IFT172: variants seen among roughly 807,000 people sequenced by gnomAD.
The protein encoded by IFT172 is intraflagellar transport 172.
Under a neutral mutation model 248.9 loss-of-function variants are expected in IFT172, and 164 were observed. The ratio of observed to expected loss-of-function variants is 0.66; its 90% confidence interval spans 0.58 to 0.75. IFT172 has a LOEUF of 0.75. Ranked by LOEUF, IFT172 falls within the 30% of genes least tolerant of loss-of-function variation. IFT172 has a pLI of 0.00. For synonymous variants in IFT172, 729 were observed against 791.6 expected (o/e 0.92, Z 1.33); for missense variants, 1,950 against 2,192.4 (o/e 0.89, Z 2.21).
At chr2:27,444,928 T>TA in intron 47 of IFT172, 86 bp downstream of exon 47, 1 of 1,427,466 alleles carries the variant, frequency 7.0e-7, no homozygotes, top group African/African-American at 1.4e-5. Flanking sequence ...GGATTAAAGG[T>TA]ATGAGCCACT....
At chr2:27,451,425 T>C (rs1036541021) in intron 35 of IFT172, among the ~76,000 whole-genome samples, 3 of 152,152 alleles carry the variant, frequency 2.0e-5, no homozygotes, top group African/African-American at 7.2e-5. Context: ...TCAGCCCCTC[T>C]CTTTCTACTT....
At position 27,472,342 on chromosome 2, in the gene IFT172, T is replaced by C. The variant is rs374979653; in HGVS notation, c.1432A>G (p.Asn478Asp). 176 of 1,613,914 alleles carry C rather than the reference T, an allele frequency of 1.1e-4. No homozygotes were observed. The highest frequency in any genetic ancestry group is 1.3e-4 in the Non-Finnish European group (159 of 1,179,920). ...IAIVDLIGGY[N>D]IGTVSHESRV... ...CTCTCATGGCTGACGGTGCCAATGT[T>C]GTAGCCACCAATCAGATCCACTATA... The change falls in exon 15 of 48, where the codon AAC becomes GAC. Residue 478 changes from asparagine (N) to aspartate (D), a missense_variant. By Grantham distance (23) the Asn-to-Asp change is conservative. This residue lies in a region of IFT172 where 1,166 missense variants were observed against 1,254.1 expected (regional missense o/e 0.93). Coordinates refer to ENST00000260570, the MANE Select transcript of IFT172 (RefSeq NM_015662.3).
At position 27,445,921 on chromosome 2, in the gene IFT172, C is replaced by G. The variant is rs1198973705; in HGVS notation, c.4815+8G>C. On this transcript the variant is annotated splice_region_variant and intron_variant, in intron 44 of 47. Coordinates refer to ENST00000260570, the MANE Select transcript of IFT172 (RefSeq NM_015662.3). The surrounding 1 kb of genome is among the most constrained non-coding windows in gnomAD (Gnocchi z 4.4). Reference sequence around the variant, plus strand: ...CCTCCACCCTCGGGGCACAGCTTCCCTACTCACATCGGTCAGGTCCAAAAA... The same window carrying G: ...CCTCCACCCTCGGGGCACAGCTTCCGTACTCACATCGGTCAGGTCCAAAAA... The G allele has an allele frequency of 3.1e-6, 5 of 1,614,110 alleles. No individual in the cohort carries two copies. Among genetic ancestry groups the G allele is most frequent in the South Asian group, 1.1e-5 (1 of 91,092 alleles).
intron 11 of IFT172, 61 bp from the exon 12 acceptor site, chr2:27,477,673 A>G: frequency 8.7e-7 from 1 of 1,149,940 alleles, no homozygotes; most frequent in Non-Finnish European, 1.3e-6. Context: ...TGCCGAAAGA[A>G]TGAAGAATGA....
At chr2:27,485,603 T>A (rs1558418782) in intron 1 of IFT172, 100 bp from the exon 2 acceptor site, 1 of 1,385,082 alleles carries the variant, frequency 7.2e-7, no homozygotes, top group African/African-American at 1.4e-5. Context: ...GTCAATTTTC[T>A]TCCTGTCACG....
intron 26 of IFT172, 50 bp downstream of exon 26, chr2:27,458,729 C>T: frequency 1.3e-6 from 2 of 1,599,400 alleles, no homozygotes; most frequent in Admixed American, 1.7e-5. Flanking sequence ...AATGAGGCCA[C>T]AATGCCACTA....
chr2:27,465,815 G>A lies in IFT172; in HGVS notation c.1760C>T (p.Thr587Ile), dbSNP rs971720669. 1 of 1,614,084 alleles carries A rather than the reference G, an allele frequency of 6.2e-7. No homozygotes were observed. Among genetic ancestry groups the A allele is most frequent in the Non-Finnish European group, 8.5e-7 (1 of 1,179,992 alleles). The change falls in exon 17 of 48, where the codon ACT (threonine) becomes ATT (isoleucine). Residue 587 changes from threonine (T) to isoleucine (I), a missense_variant. By Grantham distance (89) the Thr-to-Ile change is moderately conservative. Coordinates refer to ENST00000260570, the MANE Select transcript of IFT172 (RefSeq NM_015662.3). Reference protein sequence around the residue: ...TEVMVMEGVTTVAYTLDEGLI... With the variant: ...TEVMVMEGVTIVAYTLDEGLI... ...GCCCTCATCCAATGTGTAGGCAACA[G>A]TAGTCACACCTTCCATCACCATCAC...
At chr2:27,465,567 A>T in intron 17 of IFT172, 49 bp from the exon 18 acceptor site, 1 of 1,587,810 alleles carries the variant, frequency 6.3e-7, no homozygotes, top group South Asian at 1.1e-5. Flanking sequence ...TGGGTTAGGA[A>T]GATACAGCAG....
Position 27,459,504 on chromosome 2 carries a change from A to G in IFT172, c.2661T>C (p.Ile887=). The change falls in exon 25 of 48, where the codon ATT becomes ATC. Residue 887 remains isoleucine (I), a synonymous_variant. Coordinates refer to ENST00000260570, the MANE Select transcript of IFT172 (RefSeq NM_015662.3). ...ACTGGCGGGCACCCAGGGCGGCCTC[A>G]ATTGCCTTAATGGAGCACCTGGCAA... The part of the protein sequence containing the change: ...YIEARCSIKA[I]EAALGARQWK... The G allele has an allele frequency of 6.2e-7, 1 of 1,614,172 alleles. No individual in the cohort carries two copies. The highest frequency in any genetic ancestry group is 1.7e-5 in the Admixed American group (1 of 60,020).
rs527544045 is a variant in IFT172 at position 27,450,034 on chromosome 2, T to C, written c.4014A>G (p.Val1338=). The C allele has an allele frequency of 6.4e-5, 104 of 1,614,178 alleles. 1 individual carries two copies. The South Asian group carries it at 1.1e-3, about 17-fold the overall frequency. Residue 1338 remains valine (V), a synonymous_variant, in exon 36 of 48, where the codon GTA becomes GTG. Coordinates refer to ENST00000260570, the MANE Select transcript of IFT172 (RefSeq NM_015662.3). ...TTCCAATTCCAATCAGCTGGGGTCCTACAGCCAGAACGACTTCCATATTAC... is the reference window on the plus strand; with the variant it reads ...TTCCAATTCCAATCAGCTGGGGTCCCACAGCCAGAACGACTTCCATATTAC... ...PQRNMEVVLA[V]GPQLIGIGKH...
chr2:27,488,190 G>T (rs1558421545), intron 1 of IFT172, among the ~76,000 whole-genome samples: 1 of 151,584 alleles, frequency 6.6e-6, no homozygotes, highest in Non-Finnish European at 1.5e-5. Flanking sequence ...TCTCACTCTT[G>T]TCCCCCAGGC....
rs865947014 is a variant in IFT172, at chr2:27,454,035, C to T, written c.3658G>A (p.Glu1220Lys). 2 of 1,614,154 alleles carry T rather than the reference C, an allele frequency of 1.2e-6. No individual in the cohort carries two copies. The highest frequency in any genetic ancestry group is 2.2e-5 in the South Asian group (2 of 91,084). Reference sequence around the variant, plus strand: ...CTCTGGGCCCGGAGCAGCAGCCCTTCTGCTTTCTGAAAGTCCTTCTCCTCC... The same window carrying T: ...CTCTGGGCCCGGAGCAGCAGCCCTTTTGCTTTCTGAAAGTCCTTCTCCTCC... ...ALEEKDFQKAEGLLLRAQRPG... is the reference protein window; with the variant it reads ...ALEEKDFQKAKGLLLRAQRPG... Residue 1220 changes from glutamate to lysine, a missense_variant, in exon 33 of 48, where the codon GAA becomes AAA. Coordinates refer to ENST00000260570, the MANE Select transcript of IFT172 (RefSeq NM_015662.3). This position sits in a 1 kb window ranked among gnomAD's most constrained non-coding sequence, Gnocchi z 4.2.
chr2:27,452,246 C>A (rs952114115), intron 35 of IFT172, among the ~76,000 whole-genome samples: 3 of 152,118 alleles, frequency 2.0e-5, no homozygotes, highest in African/African-American at 7.2e-5. Flanking sequence ...TGTTTGACTG[C>A]CTTTAAACTG....
intron 2 of IFT172, 112 bp from the exon 3 acceptor site, chr2:27,485,242 T>G: frequency 6.6e-7 from 1 of 1,524,104 alleles, no homozygotes; most frequent in Non-Finnish European, 9.0e-7. Context: ...GGATTTATAC[T>G]GAGAAAAAGG....
At chr2:27,484,059 G>C (rs1477635339) in intron 4 of IFT172, 122 bp from the exon 5 acceptor site, 1 of 1,269,450 alleles carries the variant, frequency 7.9e-7, no homozygotes, top group Non-Finnish European at 1.1e-6. Flanking sequence ...ACACAGCAGG[G>C]CTCTAAGGAA....
intron 23 of IFT172, 122 bp downstream of exon 23, chr2:27,460,893 C>T (rs1261071844): frequency 1.2e-5 from 12 of 1,011,008 alleles, no homozygotes; most frequent in South Asian, 4.3e-5. Flanking sequence ...CCAAATCTCT[C>T]GTCCCACCTT....
At position 27,454,676 on chromosome 2, in the gene IFT172, C is replaced by A; in HGVS notation, c.3372-16G>T. ...TTCAAAGGAGCTGAAACAGAAAGTGCAGATAAAGTTTTCTTGCTTCATGCT... is the reference window on the plus strand; with the variant it reads ...TTCAAAGGAGCTGAAACAGAAAGTGAAGATAAAGTTTTCTTGCTTCATGCT... On this transcript the variant is annotated splice_polypyrimidine_tract_variant and intron_variant, in intron 30 of 47. Transcript: ENST00000260570. This position sits in a 1 kb window ranked among gnomAD's most constrained non-coding sequence, Gnocchi z 4.2. 1 of 1,611,674 alleles carries A rather than the reference C, an allele frequency of 6.2e-7. No homozygotes were observed. Among genetic ancestry groups the A allele is most frequent in the Non-Finnish European group, 8.5e-7 (1 of 1,178,020 alleles).
rs1020352573 is a variant in IFT172 at position 27,465,682 on chromosome 2, C to T, written c.1829+64G>A. 9.3e-6 allele frequency: 15 copies of T among 1,605,180 alleles called. No homozygotes were observed. In the African/African-American group the frequency reaches 1.7e-4, roughly 19 times the overall value. On this transcript the variant is annotated intron_variant, in intron 17 of 47. Coordinates refer to ENST00000260570, the MANE Select transcript of IFT172 (RefSeq NM_015662.3). The stretch of plus-strand genomic sequence containing the variant: ...TGCTGGCCAGTTTTACACCCCACCC[C>T]AGGTCCTCCCCTCTCAGAACCAGAC...
rs867352886 is a variant in IFT172, at chr2:27,480,942, T to C, written c.785+104A>G. The C allele has an allele frequency of 1.4e-4, 115 of 831,350 alleles. No individual in the cohort carries two copies. The African/African-American group carries it at 1.6e-3, about 12-fold the overall frequency. 51.5% of individuals were successfully genotyped at this position (831,350 alleles called of 1,614,324 possible). A position where few individuals can be genotyped will look rare whatever the true frequency, so the allele number is the denominator to read the frequency against. ...AAGCGCATGAATTACATACATACATTTGATTCTGCTCCAGTCTCGCACTCT... is the reference window on the plus strand; with the variant it reads ...AAGCGCATGAATTACATACATACATCTGATTCTGCTCCAGTCTCGCACTCT... On this transcript the variant is annotated intron_variant, in intron 8 of 47. Coordinates refer to ENST00000260570, the MANE Select transcript of IFT172 (RefSeq NM_015662.3).
Sources: gnomAD v4.1 joint callset for allele counts (sites outside exome capture counted in the v4.1 genomes callset) on GRCh38, gnomAD v4.1.1 for gene constraint, gnomAD v4.1.1 regional missense constraint, Gnocchi (gnomAD v3.1) non-coding constraint, MANE v1.5 for transcripts, NCBI Gene and HGNC (gene_info 2026-07-23, HGNC 2026-07-21) for gene names.